Variants in GPRIN2 observed in about 807,000 individuals in gnomAD.
GPRIN2 encodes the protein G protein-regulated inducer of neurite outgrowth 2.
A neutral mutation model predicts 0.3 loss-of-function variants in GPRIN2; 1 was observed. The ratio of observed to expected loss-of-function variants is 3.90; its 90% CI spans 1.39 to 18.51. The LOEUF is 18.51. Ranked by LOEUF, GPRIN2 falls within the 30% of genes most tolerant of loss-of-function variation. GPRIN2 has a pLI of 0.11. For missense variants in GPRIN2, 880 were observed against 604.2 expected, an observed-to-expected ratio of 1.46 and a Z score of -4.79; for synonymous variants, 361 against 258.6, an observed-to-expected ratio of 1.40 and a Z score of -3.80.
intron 2 of GPRIN2, among the ~76,000 whole-genome samples, chr10:46,552,971 C>T (rs1832082073): frequency 2.0e-4 from 30 of 152,414 alleles, no homozygotes; most frequent in African/African-American, 5.3e-4. Flanking sequence ...CAATAAAGCC[C>T]GTAACAGCGA....
chr10:46,555,158 G>T (rs1314813950), intron 1 of GPRIN2, among the ~76,000 whole-genome samples: 1 of 152,308 alleles, frequency 6.6e-6, no homozygotes, highest in Admixed American at 6.5e-5. Flanking sequence ...TGTTGGCCAG[G>T]CTGGTCTCGA....
rs1832641909 is a variant in GPRIN2, at chr10:46,549,655, T to TG, written c.1081dup (p.His361ProfsTer27). On this transcript the variant is annotated frameshift_variant, in exon 3 of 3. Coordinates refer to ENST00000374314, the MANE Select transcript of GPRIN2 (RefSeq NM_001385282.1). LOFTEE classifies it low-confidence loss of function (END_TRUNC). Reference sequence around the variant, plus strand: ...CCCCAGAGTTACCTCTGGGAACACATGCAGGGCTGCAGGCGCTTCCAGGGA... The same window carrying TG: ...CCCCAGAGTTACCTCTGGGAACACATGGCAGGGCTGCAGGCGCTTCCAGGGA... 1.9e-6 allele frequency: 3 copies of TG among 1,614,070 alleles called. No individual in the cohort carries two copies. Among genetic ancestry groups the TG allele is most frequent in the Non-Finnish European group, 2.5e-6 (3 of 1,179,976 alleles).
In GPRIN2 at chr10:46,549,129, C is replaced by T. The variant is rs924707757; in HGVS notation, c.*231G>A. 3.5e-5 allele frequency: 18 copies of T among 510,566 alleles called. No individual in the cohort carries two copies. Among genetic ancestry groups the T allele is most frequent in the Non-Finnish European group, 5.1e-5 (15 of 296,108 alleles). The allele number at this position is 510,566 out of a possible 1,614,324, so 31.6% of individuals were successfully genotyped here. ...AAAGCCCTGTCTCAAAGTTCAGAGCCCGGAAGGTGCAGAGATGTGGCCCTT... is the reference window on the plus strand; with the variant it reads ...AAAGCCCTGTCTCAAAGTTCAGAGCTCGGAAGGTGCAGAGATGTGGCCCTT... On this transcript the variant is annotated 3_prime_UTR_variant, in exon 3 of 3. Coordinates refer to ENST00000374314, the MANE Select transcript of GPRIN2 (RefSeq NM_001385282.1).
intron 1 of GPRIN2, among the ~76,000 whole-genome samples, chr10:46,555,064 A>G (rs1402069030): frequency 6.6e-6 from 1 of 152,304 alleles, no homozygotes; most frequent in Non-Finnish European, 1.5e-5. Context: ...CTCTTGTCTT[A>G]GTCTCCCGGC....
At chr10:46,551,312 G>T in intron 2 of GPRIN2, 1 of 823,364 alleles carries the variant, frequency 1.2e-6, no homozygotes, top group Non-Finnish European at 1.5e-6. Flanking sequence ...AGGGAGCAAT[G>T]ACCAGAGGAC....
At chr10:46,556,910 C>T (rs1843309286), upstream of GPRIN2, among the ~76,000 whole-genome samples, 1 of 152,306 alleles carries the variant, frequency 6.6e-6, no homozygotes, top group Admixed American at 6.5e-5. Flanking sequence ...CCCAAGACTC[C>T]CACTTCCCCG....
chr10:46,555,698 A>G (rs1831891170), intron 1 of GPRIN2, among the ~76,000 whole-genome samples: 4 of 152,306 alleles, frequency 2.6e-5, no homozygotes, highest in East Asian at 3.8e-4. Flanking sequence ...TAGGCGCCCA[A>G]CAGCCCCTGA....
At chr10:46,553,328 C>T (rs1842822700) in intron 2 of GPRIN2, among the ~76,000 whole-genome samples, 1 of 152,312 alleles carries the variant, frequency 6.6e-6, no homozygotes, top group Non-Finnish European at 1.5e-5. Context: ...TTCTTAGCAG[C>T]TCCTGAGGCT....
chr10:46,547,556 C>T lies in GPRIN2; in HGVS notation c.*1804G>A, dbSNP rs1271344066. On this transcript the variant is annotated 3_prime_UTR_variant, in exon 3 of 3. Transcript: ENST00000374314. The stretch of plus-strand genomic sequence containing the variant: ...ATCTGCCAGGCAGGTCCTGCCCTCT[C>T]TCCACCCACCTGTCTAACCCCTGCA... Among the ~76,000 whole-genome samples, 2 of 152,308 alleles carry T rather than the reference C, an allele frequency of 1.3e-5. No individual in the cohort carries two copies. The highest frequency in any genetic ancestry group is 4.1e-4 in the South Asian group (2 of 4,838).
In GPRIN2 at chr10:46,544,799, T is replaced by G. The variant is rs1842014340; in HGVS notation, c.*4561A>C. On this transcript the variant is annotated 3_prime_UTR_variant, in exon 3 of 3. Transcript: ENST00000374314. ...CATGGCCATGGGAAAAAGGGGTGTG[T>G]GCTGTTGGTGTGAGAGATCTGGATC... is the stretch of plus-strand genomic sequence containing the variant. 6.6e-6 allele frequency among the ~76,000 whole-genome samples: 1 copy of G among 152,300 alleles called. No homozygotes were observed. The highest frequency in any genetic ancestry group is 1.5e-5 in the Non-Finnish European group (1 of 68,058).
rs1283722296 is a variant in GPRIN2 at position 46,544,214 on chromosome 10, C to T, written c.*5146G>A. Among the ~76,000 whole-genome samples the T allele has an allele frequency of 6.6e-6, 1 of 152,306 alleles. No homozygotes were observed. The highest frequency in any genetic ancestry group is 1.5e-5 in the Non-Finnish European group (1 of 68,056). ...TTCCCAGAAACCACACAGAGGAGCC[C>T]GGGTGTGCCAGAAACAGCCTTTCAT... On this transcript the variant is annotated 3_prime_UTR_variant, in exon 3 of 3. Transcript: ENST00000374314.
chr10:46,549,553 CCGTA>C lies in GPRIN2; in HGVS notation c.1180_1183del (p.Tyr394GlufsTer77). On this transcript the variant is annotated frameshift_variant, in exon 3 of 3. Transcript: ENST00000374314. LOFTEE classifies it high-confidence loss of function. ...GAGCACCTCCAGGTCCACCGCAGCT[CCGTA>C]CACCTCCCATGTCATGCCCTCAGCA... 1 of 1,614,072 alleles carries C rather than the reference CCGTA, an allele frequency of 6.2e-7. No individual in the cohort carries two copies. Among genetic ancestry groups the C allele is most frequent in the Non-Finnish European group, 8.5e-7 (1 of 1,179,906 alleles).
chr10:46,551,564 C>G, intron 2 of GPRIN2: 1 of 945,718 alleles, frequency 1.1e-6, no homozygotes. Flanking sequence ...TCATTCAGAC[C>G]TTTCTGTACC....
rs989230031 is a variant in GPRIN2 at position 46,556,534 on chromosome 10, G to A, written c.-154C>T. ...CCGGGGCCGCGCAGGCGGGGGAAGCGCTGCTCCTGCGGCCGCCACAGGTGC... is the reference window on the plus strand; with the variant it reads ...CCGGGGCCGCGCAGGCGGGGGAAGCACTGCTCCTGCGGCCGCCACAGGTGC... On this transcript the variant is annotated 5_prime_UTR_variant, in exon 1 of 3. Transcript: ENST00000374314. 6.6e-6 allele frequency among the ~76,000 whole-genome samples: 1 copy of A among 152,240 alleles called. No individual in the cohort carries two copies. Among genetic ancestry groups the A allele is most frequent in the Non-Finnish European group, 1.5e-5 (1 of 68,028 alleles).
chr10:46,550,353 G>A lies in GPRIN2; in HGVS notation c.384C>T (p.Thr128=). The part of the protein sequence containing the change: ...QRSHSDLVRS[T]QMRGHSGARK... ...GAGCACCACTGTGTCCCCGCATCTG[G>A]GTGCTACGGACCAGGTCTGAATGGC... Residue 128 remains threonine, a synonymous_variant, in exon 3 of 3, where the codon ACC becomes ACT. Coordinates refer to ENST00000374314, the MANE Select transcript of GPRIN2 (RefSeq NM_001385282.1). 8.7e-6 allele frequency: 14 copies of A among 1,613,004 alleles called. No homozygotes were observed. Among genetic ancestry groups the A allele is most frequent in the African/African-American group, 1.3e-5 (1 of 75,086 alleles).
intron 1 of GPRIN2, among the ~76,000 whole-genome samples, chr10:46,555,091 G>C (rs1196617832): frequency 6.6e-6 from 1 of 152,312 alleles, no homozygotes; most frequent in Non-Finnish European, 1.5e-5. Context: ...GATTACAGGC[G>C]TGCACCTCGG....
rs1842219759 is a variant in GPRIN2, at chr10:46,547,017, A to G, written c.*2343T>C. ...GAATGCATAAGAATCTGCACGTGACACAGAAGAAAGTCTCTTCATGAAGTA... is the reference window on the plus strand; with the variant it reads ...GAATGCATAAGAATCTGCACGTGACGCAGAAGAAAGTCTCTTCATGAAGTA... On this transcript the variant is annotated 3_prime_UTR_variant, in exon 3 of 3. Coordinates refer to ENST00000374314, the MANE Select transcript of GPRIN2 (RefSeq NM_001385282.1). 6.6e-6 allele frequency among the ~76,000 whole-genome samples: 1 copy of G among 152,306 alleles called. No homozygotes were observed. Among genetic ancestry groups the G allele is most frequent in the Admixed American group, 6.5e-5 (1 of 15,294 alleles).
chr10:46,550,508 C>G lies in GPRIN2; in HGVS notation c.229G>C (p.Ala77Pro). The change falls in exon 3 of 3, where the codon GCC (alanine) becomes CCC (proline). Residue 77 changes from alanine to proline, a missense_variant. Ala to Pro is a conservative substitution (Grantham distance 27, BLOSUM62 -1). Coordinates refer to ENST00000374314, the MANE Select transcript of GPRIN2 (RefSeq NM_001385282.1). ...CTGGGTCGCGCCTTGGGGCCAGAGGCCCGTGCTGGCTTCATGCTCTCAGGC... is the reference window on the plus strand; with the variant it reads ...CTGGGTCGCGCCTTGGGGCCAGAGGGCCGTGCTGGCTTCATGCTCTCAGGC... ...NPPESMKPAR[A>P]SGPKARPSAG... 6.2e-7 allele frequency: 1 copy of G among 1,605,382 alleles called. No individual in the cohort carries two copies. Among genetic ancestry groups the G allele is most frequent in the Non-Finnish European group, 8.5e-7 (1 of 1,175,064 alleles).
rs1842015106 is a variant in GPRIN2, at chr10:46,544,808, T to G, written c.*4552A>C. Among the ~76,000 whole-genome samples, 1 of 152,310 alleles carries G rather than the reference T, an allele frequency of 6.6e-6. No homozygotes were observed. Among genetic ancestry groups the G allele is most frequent in the Admixed American group, 6.5e-5 (1 of 15,294 alleles). ...GGGAAAAAGGGGTGTGTGCTGTTGG[T>G]GTGAGAGATCTGGATCTTAACAGAT... On this transcript the variant is annotated 3_prime_UTR_variant, in exon 3 of 3. Coordinates refer to ENST00000374314, the MANE Select transcript of GPRIN2 (RefSeq NM_001385282.1).
Sources: gnomAD v4.1 joint callset for allele counts (sites outside exome capture counted in the v4.1 genomes callset) on GRCh38, gnomAD v4.1.1 for gene constraint, MANE v1.5 for transcripts, NCBI Gene and HGNC (gene_info 2026-07-23, HGNC 2026-07-21) for gene names.